PHF12: variants seen among roughly 807,000 people sequenced by gnomAD.
PHF12 encodes the protein PHD finger protein 12, also known as PHD factor 1.
PHF12 carries 6 observed loss-of-function variants against 99.8 expected under a neutral mutation model. The ratio of observed to expected loss-of-function variants is 0.06; its 90% CI spans 0.03 to 0.12. The LOEUF is 0.12. Ranked by LOEUF, PHF12 falls within the 10% of genes least tolerant of loss-of-function variation. The probability of loss-of-function intolerance (pLI) is 1.00; values close to 1 mark genes in which losing one functional copy is unlikely to be tolerated. For missense variants in PHF12, 954 were observed against 1,300.1 expected, an observed-to-expected ratio of 0.73 and a Z score of 4.09; for synonymous variants, 480 against 514.9, an observed-to-expected ratio of 0.93 and a Z score of 0.92.
At chr17:28,948,359 T>A (rs1555609224) in intron 2 of PHF12, among the ~76,000 whole-genome samples, 1 of 152,212 alleles carries the variant, frequency 6.6e-6, no homozygotes, top group Non-Finnish European at 1.5e-5. Flanking sequence ...AAATTTCTCC[T>A]AAGAATAGCA....
rs1491183033 is a variant in PHF12, at chr17:28,923,651, C to CAAAAAA, written c.715+257_715+258insTTTTTT. 1.0e-3 allele frequency among the ~76,000 whole-genome samples: 22 copies of CAAAAAA among 21,970 alleles called. 2 individuals carry two copies. The highest frequency in any genetic ancestry group is 1.6e-3 in the African/African-American group (7 of 4,344). 14.4% of individuals were successfully genotyped at this position (21,970 alleles called of 152,430 possible). On this transcript the variant is annotated intron_variant, in intron 4 of 14. Transcript: ENST00000332830. Reference sequence around the variant, plus strand: ...CTAGCCTGAGTGACAAAGTGAGACTCACAAAAAAAAAAAAAAAAAAAAAAG... The same window carrying CAAAAAA: ...CTAGCCTGAGTGACAAAGTGAGACTCAAAAAAACAAAAAAAAAAAAAAAAAAAAAAG...
At chr17:28,920,436 A>G (rs868023998) in intron 5 of PHF12, among the ~76,000 whole-genome samples, 2 of 152,264 alleles carry the variant, frequency 1.3e-5, no homozygotes, top group African/African-American at 4.8e-5. Flanking sequence ...TAACTGGGGC[A>G]GCCCTAGGGG....
intron 12 of PHF12, chr17:28,908,579 CA>C: frequency 1.7e-6 from 1 of 574,758 alleles, no homozygotes; most frequent in South Asian, 2.2e-5. Context: ...CTTGTCCTCC[CA>C]AAGTGTTGGG....
chr17:28,912,011 A>G (rs1469891938), intron 9 of PHF12: 8 of 860,312 alleles, frequency 9.3e-6, no homozygotes, highest in African/African-American at 1.8e-5. Flanking sequence ...GCTTCCTGAC[A>G]TGGAAGTTCA....
intron 9 of PHF12, 155 bp downstream of exon 9, chr17:28,912,327 G>A: frequency 1.4e-6 from 2 of 1,408,410 alleles, no homozygotes; most frequent in Non-Finnish European, 1.8e-6. Context: ...GTTAACATGT[G>A]CTTCCTCTTC....
chr17:28,912,139 AC>A, intron 9 of PHF12: 1 of 1,107,826 alleles, frequency 9.0e-7, no homozygotes, highest in South Asian at 3.9e-5. Context: ...TCCAGAGAGC[AC>A]CCTGCCTTCT....
At position 28,950,995 on chromosome 17, in the gene PHF12, G is replaced by C; in HGVS notation, c.-35C>G. 1.2e-6 allele frequency: 2 copies of C among 1,612,206 alleles called. No homozygotes were observed. Among genetic ancestry groups the C allele is most frequent in the Non-Finnish European group, 1.7e-6 (2 of 1,179,050 alleles). On this transcript the variant is annotated 5_prime_UTR_variant, in exon 1 of 15. Coordinates refer to ENST00000332830, the MANE Select transcript of PHF12 (RefSeq NM_001033561.2). The surrounding 1 kb of genome is among the most constrained non-coding windows in gnomAD (Gnocchi z 5.7). ...TCCCGGGCTGGGTGCTCTCTGCTCC[G>C]GCCCCCCCAACCCCGGGGGGAGGGG... is the stretch of plus-strand genomic sequence containing the variant.
At position 28,950,234 on chromosome 17, in the gene PHF12, G is replaced by C. The variant is rs1234955059; in HGVS notation, c.79C>G (p.Leu27Val). Residue 27 changes from leucine to valine, a missense_variant, in exon 2 of 15, where the codon CTG (leucine) becomes GTG (valine). Leu to Val is a conservative substitution (Grantham distance 32, BLOSUM62 1). Transcript: ENST00000332830. This position sits in a 1 kb window ranked among gnomAD's most constrained non-coding sequence, Gnocchi z 5.7. ...SGGLMEQIQA[L>V]LAPPKTDEAE... ...TCGTCCGTCTTGGGGGGAGCCAGCA[G>C]AGCTTGGATTTGCTGCACACACATA... is the stretch of plus-strand genomic sequence containing the variant. 6.2e-7 allele frequency: 1 copy of C among 1,609,480 alleles called. No individual in the cohort carries two copies. The highest frequency in any genetic ancestry group is 8.5e-7 in the Non-Finnish European group (1 of 1,179,840).
Position 28,906,210 on chromosome 17 carries a change from AGGG to A in PHF12, c.2985_2987del (p.Pro996del). On this transcript the variant is annotated inframe_deletion, in exon 15 of 15. Coordinates refer to ENST00000332830, the MANE Select transcript of PHF12 (RefSeq NM_001033561.2). This position sits in a 1 kb window ranked among gnomAD's most constrained non-coding sequence, Gnocchi z 4.2. ...AAGGAACAGAGTTGGAGCGCAGCAC[AGGG>A]CCCTGGTGGGGCTTGAGAGAGAGCT... The A allele has an allele frequency of 6.2e-7, 1 of 1,606,454 alleles. No individual in the cohort carries two copies.
intron 2 of PHF12, among the ~76,000 whole-genome samples, chr17:28,930,259 G>A (rs2040370704): frequency 6.6e-6 from 1 of 152,128 alleles, no homozygotes; most frequent in African/African-American, 2.4e-5. Flanking sequence ...TTCTTTCCAG[G>A]AAGCTTTCTC....
At chr17:28,921,519 C>T (rs1224316918) in intron 5 of PHF12, among the ~76,000 whole-genome samples, 169 bp downstream of exon 5, 1 of 152,146 alleles carries the variant, frequency 6.6e-6, no homozygotes, top group Non-Finnish European at 1.5e-5. Context: ...AATTTGTTAA[C>T]ACATACACAT....
rs142446847 is a variant in PHF12 at position 28,934,951 on chromosome 17, T to C, written c.249-7888A>G. 2.5e-3 allele frequency among the ~76,000 whole-genome samples: 375 copies of C among 152,350 alleles called. 3 individuals are homozygous for C. The highest frequency in any genetic ancestry group is 7.9e-3 in the African/African-American group (327 of 41,582). ...AGAATTATCTGAGTACTTGGGATGG[T>C]GAGCTCTGGAATAGTTGTCTTCTGT... is the stretch of plus-strand genomic sequence containing the variant. On this transcript the variant is annotated intron_variant, in intron 2 of 14. Transcript: ENST00000332830.
intron 2 of PHF12, among the ~76,000 whole-genome samples, chr17:28,932,266 G>C (rs2040426870): frequency 6.6e-6 from 1 of 152,010 alleles, no homozygotes; most frequent in South Asian, 2.1e-4. Context: ...CGAGTAGCTG[G>C]GACCACAGGC....
Position 28,951,025 on chromosome 17 carries a change from G to A in PHF12, c.-65C>T, listed in dbSNP as rs1046553955. 16 of 1,607,936 alleles carry A rather than the reference G, an allele frequency of 1.0e-5. No homozygotes were observed. Among genetic ancestry groups the A allele is most frequent in the Admixed American group, 1.7e-5 (1 of 59,504 alleles). On this transcript the variant is annotated 5_prime_UTR_variant, in exon 1 of 15. Transcript: ENST00000332830. Reference sequence around the variant, plus strand: ...CCCCAACCCCGGGGGGAGGGGGGAGGTGAGGGGAGGGGGCGCTCCTGACCC... The same window carrying A: ...CCCCAACCCCGGGGGGAGGGGGGAGATGAGGGGAGGGGGCGCTCCTGACCC...
rs776522527 is a variant in PHF12 at position 28,912,862 on chromosome 17, G to A, written c.1709C>T (p.Thr570Ile). The stretch of plus-strand genomic sequence containing the variant: ...CCGGTGTGAGAGGCCTGGTAGTGGG[G>A]TGTTAGCGCCTGGAAGTCGCCGGGG... ...TDPRRLPGAN[T>I]PLPGLSHRQG... Residue 570 changes from threonine (T) to isoleucine (I), a missense_variant, in exon 9 of 15, where the codon ACC becomes ATC. Thr to Ile is a moderately conservative substitution (Grantham distance 89, BLOSUM62 -1). Around this residue, in one of 8 missense-constraint regions of PHF12, gnomAD observed 392 missense variants for 423.1 expected, o/e 0.93. Transcript: ENST00000332830. 30 of 1,611,230 alleles carry A rather than the reference G, an allele frequency of 1.9e-5. 1 individual carries two copies. The highest frequency in any genetic ancestry group is 2.4e-5 in the Non-Finnish European group (28 of 1,178,032).
In PHF12 at chr17:28,950,158, C is replaced by T. The variant is rs1404880900; in HGVS notation, c.155G>A (p.Arg52Lys). 6.2e-7 allele frequency: 1 copy of T among 1,613,960 alleles called. No individual in the cohort carries two copies. Among genetic ancestry groups the T allele is most frequent in the African/African-American group, 1.3e-5 (1 of 75,028 alleles). ...ATCGCAGCTGTCGTGGTTGGTGGCC[C>T]TGCCGCTTCTCCGGGGCTCCTTCTC... is the stretch of plus-strand genomic sequence containing the variant. ...KPEKEPRRSG[R>K]ATNHDSCDSC... is the part of the protein sequence containing the mutation. The change falls in exon 2 of 15, where the codon AGG becomes AAG. Residue 52 changes from arginine (R) to lysine (K), a missense_variant. Physicochemically the swap from Arg to Lys is conservative, Grantham distance 26. This residue lies in a region of PHF12 where 66 missense variants were observed against 69.4 expected (regional missense o/e 0.95). Transcript: ENST00000332830. This position sits in a 1 kb window ranked among gnomAD's most constrained non-coding sequence, Gnocchi z 5.7.
chr17:28,932,357 C>T (rs2040429140), intron 2 of PHF12, among the ~76,000 whole-genome samples: 1 of 152,144 alleles, frequency 6.6e-6, no homozygotes, highest in Non-Finnish European at 1.5e-5. Flanking sequence ...GGGTCTTGAA[C>T]TCCTGGGCTC....
chr17:28,924,464 A>C (rs895720317), intron 3 of PHF12, 162 bp from the exon 4 acceptor site: 1 of 895,776 alleles, frequency 1.1e-6, no homozygotes, highest in Non-Finnish European at 1.7e-6. Context: ...TAAAGTTGAC[A>C]CAACTCTAAC....
intron 2 of PHF12, among the ~76,000 whole-genome samples, chr17:28,934,218 A>C (rs2040465515): frequency 1.3e-5 from 2 of 152,230 alleles, no homozygotes; most frequent in Non-Finnish European, 2.9e-5. Flanking sequence ...AGTAATGAGA[A>C]CATACATAAT....
Sources: allele counts gnomAD v4.1 joint callset (sites outside exome capture counted in the v4.1 genomes callset), GRCh38; gene constraint gnomAD v4.1.1; regional missense constraint gnomAD v4.1.1; non-coding constraint Gnocchi (gnomAD v3.1); transcripts MANE v1.5; gene names NCBI Gene and HGNC (gene_info 2026-07-23, HGNC 2026-07-21).